The following SNTG1 variants were observed in gnomAD, a reference collection of about 807,000 sequenced individuals.
The protein encoded by SNTG1 is gamma-1-syntrophin.
SNTG1 carries 39 observed loss-of-function variants against 74.7 expected under a neutral mutation model. The observed-to-expected ratio is 0.52, with a 90% CI of 0.40 to 0.68. The LOEUF (loss-of-function observed/expected upper bound fraction) is 0.68, where lower values mean the gene tolerates loss of function less well. Among genes scored for constraint, SNTG1 ranks in the 30% least tolerant of loss-of-function variants. The pLI is 0.00. For missense variants in SNTG1, 685 were observed against 609.5 expected (o/e 1.12, Z -1.30); for synonymous variants, 254 against 217.1 (o/e 1.17, Z -1.49).
At chr8:50,412,240 A>G (rs1234344280) in intron 4 of SNTG1, among the ~76,000 whole-genome samples, 1 of 152,162 alleles carries the variant, frequency 6.6e-6, no homozygotes, top group Non-Finnish European at 1.5e-5. Flanking sequence ...TAATTTTAAT[A>G]TGAGATTTTC....
At chr8:49,918,682 G>A (rs1486692997) in intron 1 of SNTG1, among the ~76,000 whole-genome samples, 1 of 152,062 alleles carries the variant, frequency 6.6e-6, no homozygotes, top group Non-Finnish European at 1.5e-5. Context: ...GGATGGATAA[G>A]ATTATGCTTT....
rs1226115339 is a variant in SNTG1 at position 50,491,365 on chromosome 8, G to A, written c.364-11413G>A. The A allele has an allele frequency of 2.6e-5, 4 of 152,350 alleles. No homozygotes were observed. In the East Asian group the frequency reaches 7.7e-4, roughly 29 times the overall value. The allele number at this position is 152,350 out of a possible 1,614,324, so 9.4% of individuals were successfully genotyped here. ...TATTATTGGAAAGCTTCATGTACGGGAAAGAAAACAGCCAAGACAAACACA... is the reference window on the plus strand; with the variant it reads ...TATTATTGGAAAGCTTCATGTACGGAAAAGAAAACAGCCAAGACAAACACA... On this transcript the variant is annotated intron_variant, in intron 8 of 18. Coordinates refer to ENST00000642720, the MANE Select transcript of SNTG1 (RefSeq NM_018967.5).
intron 12 of SNTG1, among the ~76,000 whole-genome samples, chr8:50,587,938 T>C (rs2094663587): frequency 6.6e-6 from 1 of 151,600 alleles, no homozygotes; most frequent in Admixed American, 6.6e-5. Flanking sequence ...GGTGAAACCC[T>C]ATCTCTACTA....
At chr8:50,014,935 AT>A (rs1343504286) in intron 1 of SNTG1, among the ~76,000 whole-genome samples, 1 of 151,976 alleles carries the variant, frequency 6.6e-6, no homozygotes, top group African/African-American at 2.4e-5. Context: ...TATGGAAGAA[AT>A]TATATTATCT....
At chr8:50,177,592 G>C (rs1432212966) in intron 2 of SNTG1, among the ~76,000 whole-genome samples, 1 of 152,202 alleles carries the variant, frequency 6.6e-6, no homozygotes, top group South Asian at 2.1e-4. Flanking sequence ...AAAGCACAGA[G>C]GCAAATGTTA....
At chr8:50,065,944 C>T (rs1820863306) in intron 1 of SNTG1, among the ~76,000 whole-genome samples, 1 of 152,102 alleles carries the variant, frequency 6.6e-6, no homozygotes, top group Non-Finnish European at 1.5e-5. Context: ...CAGCTGGGCA[C>T]TGTGGCTCAC....
intron 15 of SNTG1, among the ~76,000 whole-genome samples, chr8:50,701,586 C>CTTCTTCTTCTCCTTCTTCTTCTTCT (rs2095423842): frequency 1.4e-5 from 2 of 145,206 alleles, no homozygotes; most frequent in Non-Finnish European, 3.0e-5. Flanking sequence ...CTTTTTCTTC[C>CTTCTTCTTCTCCTTCTTCTTCTTCT]TCTTCTTCTT....
At chr8:50,400,283 A>T (rs1258846865) in intron 3 of SNTG1, among the ~76,000 whole-genome samples, 2 of 152,134 alleles carry the variant, frequency 1.3e-5, no homozygotes, top group Non-Finnish European at 2.9e-5. Context: ...ATGCCTGGCA[A>T]TTTTTACTTT....
chr8:50,530,347 T>C lies in SNTG1; in HGVS notation c.549+88T>C, dbSNP rs548482683. On this transcript the variant is annotated intron_variant, in intron 10 of 18. Coordinates refer to ENST00000642720, the MANE Select transcript of SNTG1 (RefSeq NM_018967.5). ...TAGTGAATCTGATTTATCTGACAGA[T>C]AGGAAATCCCTGGTTGCATAATCAT... is the stretch of plus-strand genomic sequence containing the variant. The C allele has an allele frequency of 3.4e-3, 4,179 of 1,217,158 alleles. 14 individuals are homozygous for C. Among genetic ancestry groups the C allele is most frequent in the Middle Eastern group, 4.9e-3 (25 of 5,146 alleles). 75.4% of individuals were successfully genotyped at this position (1,217,158 alleles called of 1,614,324 possible).
At chr8:50,212,173 A>G (rs965685562) in intron 2 of SNTG1, among the ~76,000 whole-genome samples, 2 of 152,116 alleles carry the variant, frequency 1.3e-5, no homozygotes, top group African/African-American at 4.8e-5. Flanking sequence ...TTTCTTGTAC[A>G]GTATCTGTTT....
chr8:50,404,611 T>C (rs753757675), intron 4 of SNTG1, among the ~76,000 whole-genome samples: 1 of 151,852 alleles, frequency 6.6e-6, no homozygotes, highest in Non-Finnish European at 1.5e-5. Context: ...GACCCACTCT[T>C]ATATGGTCAG....
intron 18 of SNTG1, among the ~76,000 whole-genome samples, chr8:50,775,362 T>C (rs1037460818): frequency 6.6e-6 from 1 of 151,684 alleles, no homozygotes; most frequent in Admixed American, 6.6e-5. Flanking sequence ...CAGTTCAATG[T>C]ATTTTTTTAT....
At chr8:50,097,920 T>A (rs953084492) in intron 1 of SNTG1, among the ~76,000 whole-genome samples, 1 of 152,222 alleles carries the variant, frequency 6.6e-6, no homozygotes, top group Non-Finnish European at 1.5e-5. Flanking sequence ...ATGGTTATAC[T>A]TGGCATGCTT....
chr8:50,292,884 G>A (rs181692321), intron 2 of SNTG1, among the ~76,000 whole-genome samples: 12 of 151,796 alleles, frequency 7.9e-5, no homozygotes, highest in Admixed American at 7.9e-4. Context: ...GGGAGCAAGG[G>A]GCACCTGAGG....
At chr8:50,692,027 C>T (rs2095382468) in intron 15 of SNTG1, among the ~76,000 whole-genome samples, 1 of 152,166 alleles carries the variant, frequency 6.6e-6, no homozygotes, top group Admixed American at 6.5e-5. Context: ...ACCCTTTCTT[C>T]CAGTTGATCT....
intron 2 of SNTG1, among the ~76,000 whole-genome samples, chr8:50,326,794 G>A (rs1320119846): frequency 2.0e-5 from 3 of 150,666 alleles, no homozygotes; most frequent in African/African-American, 7.3e-5. Context: ...TATTGATTTT[G>A]AGCTCACTTT....
intron 13 of SNTG1, among the ~76,000 whole-genome samples, chr8:50,596,064 G>A (rs568069997): frequency 6.6e-6 from 1 of 151,868 alleles, no homozygotes; most frequent in Admixed American, 6.6e-5. Flanking sequence ...TTTTCCGAAG[G>A]GTTTTACATT....
At chr8:50,745,608 A>G (rs537404221) in intron 17 of SNTG1, among the ~76,000 whole-genome samples, 1 of 152,130 alleles carries the variant, frequency 6.6e-6, no homozygotes, top group Admixed American at 6.6e-5. Flanking sequence ...TTGTACACCA[A>G]TGTTCATAGA....
chr8:50,271,641 G>A (rs1370683519), intron 2 of SNTG1, among the ~76,000 whole-genome samples: 2 of 152,138 alleles, frequency 1.3e-5, no homozygotes, highest in Non-Finnish European at 2.9e-5. Flanking sequence ...CTTTCATCGG[G>A]ATGGTTCAAC....
Sources: allele counts gnomAD v4.1 joint callset (sites outside exome capture counted in the v4.1 genomes callset), GRCh38; gene constraint gnomAD v4.1.1; transcripts MANE v1.5; gene names NCBI Gene and HGNC (gene_info 2026-07-23, HGNC 2026-07-21).